Variants in SMCHD1 observed in about 807,000 individuals in gnomAD.
The protein encoded by SMCHD1 is structural maintenance of chromosomes flexible hinge domain-containing protein 1.
Under a neutral mutation model 254.7 loss-of-function variants are expected in SMCHD1, and 78 were observed. The observed-to-expected ratio is 0.31, with a 90% CI of 0.26 to 0.37. The LOEUF is 0.37. Among genes scored for constraint, SMCHD1 ranks in the 10% least tolerant of loss-of-function variants. The pLI is 1.00. For synonymous variants in SMCHD1, 766 were observed against 794.9 expected, an observed-to-expected ratio of 0.96 and a Z score of 0.61; for missense variants, 1,840 against 2,408.1, an observed-to-expected ratio of 0.76 and a Z score of 4.94.
chr18:2,790,149 T>C (rs1477067201), intron 45 of SMCHD1, among the ~76,000 whole-genome samples: 1 of 152,180 alleles, frequency 6.6e-6, no homozygotes, highest in African/African-American at 2.4e-5. Context: ...GCCACTGCAC[T>C]CCAGCCTGGG....
intron 41 of SMCHD1, among the ~76,000 whole-genome samples, chr18:2,773,517 A>T (rs1889296971): frequency 6.6e-6 from 1 of 152,340 alleles, no homozygotes; most frequent in African/African-American, 2.4e-5. Context: ...TTGTCCCCTC[A>T]GAAATACAAA....
chr18:2,716,590 A>C (rs1430950416), intron 17 of SMCHD1, among the ~76,000 whole-genome samples: 2 of 152,184 alleles, frequency 1.3e-5, no homozygotes, highest in Non-Finnish European at 2.9e-5. Context: ...TGGCCACCCC[A>C]ACAGGGCACA....
At chr18:2,748,892 A>G (rs189929466) in intron 30 of SMCHD1, among the ~76,000 whole-genome samples, 192 of 152,328 alleles carry the variant, frequency 1.3e-3, no homozygotes, top group Non-Finnish European at 2.4e-3. Context: ...TTCTCTTGCA[A>G]TTATTTATAG....
At chr18:2,774,452 G>T (rs760154493) in intron 41 of SMCHD1, among the ~76,000 whole-genome samples, 2 of 151,838 alleles carry the variant, frequency 1.3e-5, no homozygotes, top group African/African-American at 2.4e-5. Context: ...CACTCCTGTC[G>T]CCCAGGCTGG....
chr18:2,705,881 AT>A lies in SMCHD1; in HGVS notation c.1956+77del, dbSNP rs2074502485. 3.5e-6 allele frequency: 3 copies of A among 857,282 alleles called. No individual in the cohort carries two copies. In the South Asian group the frequency reaches 5.6e-5, roughly 16 times the overall value. The allele number at this position is 857,282 out of a possible 1,614,324, so 53.1% of individuals were successfully genotyped here. On this transcript the variant is annotated intron_variant, in intron 14 of 47. Coordinates refer to ENST00000320876, the MANE Select transcript of SMCHD1 (RefSeq NM_015295.3). The stretch of plus-strand genomic sequence containing the variant: ...TTGCATAATTGTTAAGATACAGTAT[AT>A]TTCGCTAGTGACTAGTTTTCCATTG...
Position 2,769,840 on chromosome 18 carries a change from A to G in SMCHD1, c.4846+20A>G. On this transcript the variant is annotated intron_variant, in intron 38 of 47. Coordinates refer to ENST00000320876, the MANE Select transcript of SMCHD1 (RefSeq NM_015295.3). ...ACAATGGTAAGTTTCTAGGAAATAA[A>G]TGGTTAAACTCCGTTGTTAGTGATA... 1 of 1,589,648 alleles carries G rather than the reference A, an allele frequency of 6.3e-7. No homozygotes were observed. The highest frequency in any genetic ancestry group is 1.1e-5 in the South Asian group (1 of 88,264).
chr18:2,718,294 AT>A lies in SMCHD1; in HGVS notation c.2339-18del, dbSNP rs777192959. The A allele has an allele frequency of 2.1e-5, 33 of 1,607,400 alleles. No individual in the cohort carries two copies. Among genetic ancestry groups the A allele is most frequent in the Non-Finnish European group, 2.7e-5 (32 of 1,176,880 alleles). On this transcript the variant is annotated intron_variant, in intron 18 of 47. Transcript: ENST00000320876. The surrounding 1 kb of genome is among the most constrained non-coding windows in gnomAD (Gnocchi z 4.6). Reference sequence around the variant, plus strand: ...TGGTATTGTGTTGACTTGATTTTTAATTTCTTCTTAATTTATCCAGAAAATA... The same window carrying A: ...TGGTATTGTGTTGACTTGATTTTTAATTCTTCTTAATTTATCCAGAAAATA...
intron 39 of SMCHD1, among the ~76,000 whole-genome samples, chr18:2,770,868 A>T (rs1023142235): frequency 3.3e-5 from 5 of 152,098 alleles, no homozygotes; most frequent in Non-Finnish European, 7.4e-5. Flanking sequence ...TGATCTGCCC[A>T]CCTTGGCCCC....
chr18:2,688,427 G>A lies in SMCHD1; in HGVS notation c.672G>A (p.Val224=), dbSNP rs895281007. The stretch of plus-strand genomic sequence containing the variant: ...CAGGATATGTTCGTCCAGTACCAGT[G>A]CCACGCAGTTTAAATAGTGATATTT... The part of the protein sequence containing the change: ...DHSGYVRPVP[V]PRSLNSDISY... Residue 224 remains valine, a synonymous_variant, in exon 6 of 48, where the codon GTG becomes GTA. Coordinates refer to ENST00000320876, the MANE Select transcript of SMCHD1 (RefSeq NM_015295.3). The A allele has an allele frequency of 6.2e-7, 1 of 1,613,750 alleles. No individual in the cohort carries two copies. The highest frequency in any genetic ancestry group is 2.2e-5 in the East Asian group (1 of 44,876).
At chr18:2,774,452 G>A (rs760154493) in intron 41 of SMCHD1, among the ~76,000 whole-genome samples, 10 of 151,838 alleles carry the variant, frequency 6.6e-5, no homozygotes, top group South Asian at 2.1e-4. Flanking sequence ...CACTCCTGTC[G>A]CCCAGGCTGG....
chr18:2,678,674 T>C lies in SMCHD1; in HGVS notation c.638+4529T>C, dbSNP rs570072288. The stretch of plus-strand genomic sequence containing the variant: ...CTTATTTTCTGTTTATTTCTTCATG[T>C]GTATTTGAGTTATAATACTTTCTAA... On this transcript the variant is annotated intron_variant, in intron 5 of 47. Coordinates refer to ENST00000320876, the MANE Select transcript of SMCHD1 (RefSeq NM_015295.3). Among the ~76,000 whole-genome samples the C allele has an allele frequency of 1.3e-4, 20 of 152,276 alleles. 1 individual carries two copies. The highest frequency in any genetic ancestry group is 3.9e-4 in the Admixed American group (6 of 15,296).
intron 45 of SMCHD1, among the ~76,000 whole-genome samples, chr18:2,788,626 A>G (rs189929690): frequency 2.4e-4 from 36 of 152,102 alleles, no homozygotes; most frequent in Admixed American, 3.9e-4. Flanking sequence ...ACTTTTTGAG[A>G]CAGAGTCTCG....
intron 5 of SMCHD1, among the ~76,000 whole-genome samples, chr18:2,678,530 T>A (rs2073828842): frequency 1.3e-5 from 2 of 152,172 alleles, no homozygotes; most frequent in African/African-American, 4.8e-5. Context: ...TTGGCCAGGT[T>A]GGTCTCGAAC....
rs2075322171 is a variant in SMCHD1, at chr18:2,740,136, A to G, written c.3515-567A>G. On this transcript the variant is annotated intron_variant, in intron 27 of 47. Coordinates refer to ENST00000320876, the MANE Select transcript of SMCHD1 (RefSeq NM_015295.3). The stretch of plus-strand genomic sequence containing the variant: ...GTGTAATGTTCCCCTCCCTGGGTCC[A>G]TGTGTTCTCATTGTTCAACTCGCAC... 1.3e-5 allele frequency among the ~76,000 whole-genome samples: 2 copies of G among 151,544 alleles called. 1 individual carries two copies. The highest frequency in any genetic ancestry group is 4.1e-4 in the South Asian group (2 of 4,824).
chr18:2,712,339 T>A (rs143458407), intron 17 of SMCHD1, among the ~76,000 whole-genome samples: 1 of 152,078 alleles, frequency 6.6e-6, no homozygotes, highest in East Asian at 1.9e-4. Flanking sequence ...TTTGGAAGAG[T>A]TTGAAAAGGA....
rs56170448 is a variant in SMCHD1 at position 2,797,491 on chromosome 18, G to A, written c.5993+970G>A. 4.9e-3 allele frequency among the ~76,000 whole-genome samples: 751 copies of A among 152,262 alleles called. 1 individual carries two copies. The highest frequency in any genetic ancestry group is 8.2e-3 in the Non-Finnish European group (557 of 68,020). Reference sequence around the variant, plus strand: ...GGTATTCTTTGCCATATTCATCTGCGTATTCTACATTTATTCAGTAAAGAT... The same window carrying A: ...GGTATTCTTTGCCATATTCATCTGCATATTCTACATTTATTCAGTAAAGAT... On this transcript the variant is annotated intron_variant, in intron 47 of 47. Coordinates refer to ENST00000320876, the MANE Select transcript of SMCHD1 (RefSeq NM_015295.3).
At chr18:2,747,787 C>CA in intron 30 of SMCHD1, 140 bp downstream of exon 30, 1 of 747,614 alleles carries the variant, frequency 1.3e-6, no homozygotes, top group Non-Finnish European at 2.0e-6. Flanking sequence ...AAATAAACCT[C>CA]AAAAATTTTT....
intron 19 of SMCHD1, among the ~76,000 whole-genome samples, chr18:2,720,309 A>T (rs958975045): frequency 1.3e-5 from 2 of 152,100 alleles, no homozygotes; most frequent in African/African-American, 2.4e-5. Context: ...TAGTTTCTAA[A>T]ATCTCTTTTA....
At chr18:2,685,163 T>C (rs1025287362) in intron 5 of SMCHD1, among the ~76,000 whole-genome samples, 1 of 136,642 alleles carries the variant, frequency 7.3e-6, no homozygotes, top group Non-Finnish European at 1.5e-5. Context: ...GCAGTGGTGC[T>C]ATCTCGGCTC....
Sources: allele counts gnomAD v4.1 joint callset (sites outside exome capture counted in the v4.1 genomes callset), GRCh38; gene constraint gnomAD v4.1.1; non-coding constraint Gnocchi (gnomAD v3.1); transcripts MANE v1.5; gene names NCBI Gene and HGNC (gene_info 2026-07-23, HGNC 2026-07-21).